ENPP3: variants seen among roughly 807,000 people sequenced by gnomAD.
The protein encoded by ENPP3 is ectonucleotide pyrophosphatase/phosphodiesterase family member 3.
Under a neutral mutation model 117.8 loss-of-function variants are expected in ENPP3, and 104 were observed. The observed-to-expected ratio is 0.88, with a 90% CI of 0.75 to 1.04. The LOEUF is 1.04. ENPP3 is among the 50% of genes least tolerant of loss of function. ENPP3 has a pLI of 0.00. For missense variants in ENPP3, 1,026 were observed against 1,051.9 expected (o/e 0.98, Z 0.34); for synonymous variants, 380 against 349.9 (o/e 1.09, Z -0.96).
chr6:131,661,485 T>G (rs1778498290), intron 6 of ENPP3, among the ~76,000 whole-genome samples: 2 of 152,004 alleles, frequency 1.3e-5, no homozygotes, highest in Admixed American at 1.3e-4. Context: ...AGAGATGAGG[T>G]CTTGCTATGT....
intron 24 of ENPP3, among the ~76,000 whole-genome samples, chr6:131,740,828 C>CCT (rs1443713474): frequency 2.0e-5 from 3 of 152,104 alleles, no homozygotes; most frequent in African/African-American, 7.2e-5. Context: ...CACTCAAAGT[C>CCT]CTCTCTTCTA....
intron 2 of ENPP3, among the ~76,000 whole-genome samples, chr6:131,643,308 C>T (rs1778090406): frequency 6.6e-6 from 1 of 152,302 alleles, no homozygotes; most frequent in South Asian, 2.1e-4. Context: ...TATTTTACCC[C>T]CTAAATCACA....
At chr6:131,654,109 TTTATTATTATTATTATTA>T (rs35379106) in intron 5 of ENPP3, among the ~76,000 whole-genome samples, 7 of 143,306 alleles carry the variant, frequency 4.9e-5, no homozygotes, top group African/African-American at 1.6e-4. Context: ...AAATTTAAGT[TTTATTATTATTATTATTA>T]TTATTATTAT....
intron 12 of ENPP3, among the ~76,000 whole-genome samples, chr6:131,684,317 C>T (rs1779101093): frequency 6.6e-6 from 1 of 152,124 alleles, no homozygotes; most frequent in South Asian, 2.1e-4. Flanking sequence ...TAACACTTTG[C>T]CTTATTGTTT....
In ENPP3 at chr6:131,738,020, T is replaced by C. The variant is rs1256582422; in HGVS notation, c.2168-11T>C. 6.3e-7 allele frequency: 1 copy of C among 1,575,498 alleles called. No homozygotes were observed. Among genetic ancestry groups the C allele is most frequent in the Admixed American group, 1.8e-5 (1 of 55,042 alleles). On this transcript the variant is annotated splice_polypyrimidine_tract_variant and intron_variant, in intron 22 of 24. Coordinates refer to ENST00000357639, the MANE Select transcript of ENPP3 (RefSeq NM_005021.5). ...GTGGACATTTTAAACACTTTATGAT[T>C]TTATTTTTAGAAATGTGGGACTACT...
intron 9 of ENPP3, 62 bp from the exon 10 acceptor site, chr6:131,676,674 T>C (rs764308792): frequency 2.8e-6 from 3 of 1,085,044 alleles, no homozygotes; most frequent in Admixed American, 1.7e-5. Flanking sequence ...TGAATAGGAA[T>C]GTAATGGAGT....
At chr6:131,730,633 A>G (rs574572329) in intron 20 of ENPP3, among the ~76,000 whole-genome samples, 3 of 152,350 alleles carry the variant, frequency 2.0e-5, no homozygotes, top group Admixed American at 2.0e-4. Context: ...TTAGTAAGAC[A>G]GGTCAAGCGC....
At chr6:131,700,708 C>A (rs1360176070) in intron 15 of ENPP3, 1 of 1,558,156 alleles carries the variant, frequency 6.4e-7, no homozygotes, top group Non-Finnish European at 8.6e-7. Flanking sequence ...TTCCTCTGAA[C>A]TTCCCTTGAT....
intron 12 of ENPP3, among the ~76,000 whole-genome samples, chr6:131,684,918 G>T (rs1779117596): frequency 6.6e-6 from 1 of 151,804 alleles, no homozygotes; most frequent in African/African-American, 2.4e-5. Context: ...TCGAGTAAAT[G>T]GGACTATAGG....
Position 131,718,730 on chromosome 6 carries a change from A to G in ENPP3, c.1471A>G (p.Ser491Gly). Residue 491 changes from serine to glycine, a missense_variant, in exon 16 of 25, where the codon AGC becomes GGC. Coordinates refer to ENST00000357639, the MANE Select transcript of ENPP3 (RefSeq NM_005021.5). ...GNHGYNNEFR[S>G]MEAIFLAHGP... ...CCATGGTTATAACAATGAGTTTAGG[A>G]GCATGGAGGTAACTTACTGCTTTTT... 1 of 1,596,844 alleles carries G rather than the reference A, an allele frequency of 6.3e-7. No individual in the cohort carries two copies. The highest frequency in any genetic ancestry group is 1.3e-5 in the African/African-American group (1 of 74,448).
intron 1 of ENPP3, among the ~76,000 whole-genome samples, chr6:131,639,554 A>G (rs1395687387): frequency 1.3e-5 from 2 of 152,110 alleles, no homozygotes; most frequent in Admixed American, 6.6e-5. Context: ...TATATAATGA[A>G]GTTCAATATT....
chr6:131,663,508 G>A (rs545016867), intron 6 of ENPP3, among the ~76,000 whole-genome samples: 51 of 117,950 alleles, frequency 4.3e-4, no homozygotes, highest in African/African-American at 1.8e-3. Flanking sequence ...GCAACAAAGT[G>A]AAACCCTGTC....
intron 14 of ENPP3, among the ~76,000 whole-genome samples, chr6:131,690,263 T>C (rs535120537): frequency 3.0e-4 from 45 of 152,178 alleles, no homozygotes; most frequent in Non-Finnish European, 5.1e-4. Context: ...GAGAAATACT[T>C]TGTGAAAGGC....
chr6:131,652,441 G>GAA (rs1406426463), intron 3 of ENPP3, 101 bp from the exon 4 acceptor site: 1 of 1,222,444 alleles, frequency 8.2e-7, no homozygotes, highest in East Asian at 2.6e-5. Flanking sequence ...GATAAACCAA[G>GAA]AATTTGATTG....
At chr6:131,718,818 T>G in intron 16 of ENPP3, 80 bp downstream of exon 16, 2 of 774,088 alleles carry the variant, frequency 2.6e-6, no homozygotes, top group Non-Finnish European at 4.3e-6. Context: ...GTTACATAGG[T>G]AAACATCTGT....
chr6:131,668,177 T>G (rs914644217), intron 6 of ENPP3, among the ~76,000 whole-genome samples: 14 of 148,954 alleles, frequency 9.4e-5, no homozygotes, highest in Non-Finnish European at 2.0e-4. Flanking sequence ...TACATTGTAG[T>G]TTTTTTTTGA....
intron 20 of ENPP3, among the ~76,000 whole-genome samples, chr6:131,733,030 C>T (rs892250959): frequency 3.4e-4 from 52 of 151,926 alleles, no homozygotes; most frequent in African/African-American, 1.1e-3. Context: ...CCCGGCCTGG[C>T]CTAAGAAATT....
At chr6:131,745,395 TAAAC>T (rs1378791637) in intron 24 of ENPP3, among the ~76,000 whole-genome samples, 1 of 152,120 alleles carries the variant, frequency 6.6e-6, no homozygotes, top group Non-Finnish European at 1.5e-5. Flanking sequence ...CCTGCATACT[TAAAC>T]AAGTAAACCA....
rs1177763056 is a variant in ENPP3, at chr6:131,720,186, A to G, written c.1480-106A>G. The stretch of plus-strand genomic sequence containing the variant: ...AAAAAAAAATTCCTTACAGAGGCCT[A>G]ATACAAATAGGAGAGTAGTTACAGA... On this transcript the variant is annotated intron_variant, in intron 16 of 24. Transcript: ENST00000357639. 13 of 648,048 alleles carry G rather than the reference A, an allele frequency of 2.0e-5. No homozygotes were observed. In the Admixed American group the frequency reaches 3.6e-4, roughly 18 times the overall value. The allele number at this position is 648,048 out of a possible 1,614,324, so 40.1% of individuals were successfully genotyped here.
Sources: allele counts gnomAD v4.1 joint callset (sites outside exome capture counted in the v4.1 genomes callset), GRCh38; gene constraint gnomAD v4.1.1; transcripts MANE v1.5; gene names NCBI Gene and HGNC (gene_info 2026-07-23, HGNC 2026-07-21).